Variants in NBPF15 observed in about 807,000 individuals in gnomAD.
NBPF15 encodes NBPF member 15.
Under a neutral mutation model 62.2 loss-of-function variants are expected in NBPF15, and 74 were observed. That is an observed-to-expected ratio of 1.19 (90% CI 0.99 to 1.44). NBPF15 has a LOEUF of 1.44. NBPF15 is among the 40% of genes most tolerant of loss of function. The probability of loss-of-function intolerance (pLI) is 0.00; values close to 1 mark genes in which losing one functional copy is unlikely to be tolerated. For missense variants in NBPF15, 790 were observed against 550.0 expected (o/e 1.44, Z -4.36); for synonymous variants, 244 against 209.7 (o/e 1.16, Z -1.41).
At chr1:144,461,345 T>C (rs1553548477) in intron 1 of NBPF15, 36 bp downstream of exon 1, 1 of 138,734 alleles carries the variant, frequency 7.2e-6, no homozygotes, top group Admixed American at 7.7e-5. Context: ...CAGCCGCAGC[T>C]CGACCCAGCT....
chr1:144,440,984 G>C (rs1453956574), intron 6 of NBPF15, among the ~76,000 whole-genome samples: 1 of 151,532 alleles, frequency 6.6e-6, no homozygotes, highest in Non-Finnish European at 1.5e-5. Flanking sequence ...TCTTTACTCA[G>C]GTGGGTATAT....
chr1:144,423,250 G>A lies in NBPF15; in HGVS notation c.1776C>T (p.Tyr592=), dbSNP rs781927081. Residue 592 remains tyrosine (Y), a synonymous_variant, in exon 22 of 22, where the codon TAC becomes TAT. Transcript: ENST00000581897. ...GCTCTTCCACTTCCATCAGCACGCCGTAGAGCCTGGAAAAGGAGACAAAAC... is the reference window on the plus strand; with the variant it reads ...GCTCTTCCACTTCCATCAGCACGCCATAGAGCCTGGAAAAGGAGACAAAAC... ...EDDNPPCPRL[Y]GVLMEVEEPE... 182 of 1,611,306 alleles carry A rather than the reference G, an allele frequency of 1.1e-4. 1 individual carries two copies. Among genetic ancestry groups the A allele is most frequent in the Admixed American group, 8.5e-4 (51 of 59,920 alleles).
At chr1:144,429,197 A>T (rs1672349292) in intron 14 of NBPF15, among the ~76,000 whole-genome samples, 1 of 151,266 alleles carries the variant, frequency 6.6e-6, no homozygotes, top group South Asian at 2.1e-4. Context: ...GAGCTAAAAC[A>T]AGCGCACTTA....
At position 144,435,241 on chromosome 1, in the gene NBPF15, G is replaced by A. The variant is rs1457507955; in HGVS notation, c.642C>T (p.Ser214=). The A allele has an allele frequency of 9.7e-4, 1,563 of 1,612,820 alleles. 18 individuals are homozygous for A. The highest frequency in any genetic ancestry group is 1.2e-3 in the Non-Finnish European group (1,439 of 1,179,624). The change falls in exon 12 of 22, where the codon AGC becomes AGT. Residue 214 remains serine, a synonymous_variant. Transcript: ENST00000581897. ...GCTGGTTGGAGTCATAAGGGCCATG[G>A]CTATTTGAACAAGTGATGGCACATT... ...LEECAITCSN[S]HGPYDSNQPH...
intron 7 of NBPF15, 48 bp downstream of exon 7, chr1:144,440,093 G>A: frequency 6.3e-7 from 1 of 1,577,256 alleles, no homozygotes; most frequent in Middle Eastern, 2.3e-4. Flanking sequence ...AAATCAAATA[G>A]GTTTAATCAG....
chr1:144,440,294 G>C lies in NBPF15; in HGVS notation c.-189C>G. ...ATTGTGGCCAGCGTGCCAGGTAACC[G>C]TCTGCAGTTGCAATAACAGAATTAG... On this transcript the variant is annotated splice_region_variant and 5_prime_UTR_variant, in exon 7 of 22. Transcript: ENST00000581897. 3 of 1,418,710 alleles carry C rather than the reference G, an allele frequency of 2.1e-6. No individual in the cohort carries two copies. The highest frequency in any genetic ancestry group is 2.8e-6 in the Non-Finnish European group (3 of 1,061,910). 87.9% of individuals were successfully genotyped at this position (1,418,710 alleles called of 1,614,324 possible).
chr1:144,445,270 G>GTGTATA (rs1553543714), intron 6 of NBPF15, among the ~76,000 whole-genome samples: 2 of 105,014 alleles, frequency 1.9e-5, no homozygotes, highest in African/African-American at 3.6e-5. Context: ...GTCTGTATAT[G>GTGTATA]TATATATATA....
intron 6 of NBPF15, chr1:144,443,135 G>A (rs2102369963): frequency 6.5e-6 from 1 of 153,800 alleles, no homozygotes; most frequent in East Asian, 1.9e-4. Flanking sequence ...CACATGGGCT[G>A]GGGGCCAGGG....
chr1:144,452,149 T>A lies in NBPF15; in HGVS notation c.-431-1279A>T, dbSNP rs1553545687. On this transcript the variant is annotated intron_variant, in intron 4 of 21. Transcript: ENST00000581897. The stretch of plus-strand genomic sequence containing the variant: ...CCCAAGGAAAAGAGAAATAACTCCA[T>A]CTCCAAAAAAAAAGATAAAATAAAA... 3.3e-5 allele frequency among the ~76,000 whole-genome samples: 5 copies of A among 150,860 alleles called. No homozygotes were observed. In the East Asian group the frequency reaches 7.8e-4, roughly 24 times the overall value.
At chr1:144,449,507 C>A (rs1296397760) in intron 5 of NBPF15, among the ~76,000 whole-genome samples, 5 of 151,368 alleles carry the variant, frequency 3.3e-5, no homozygotes, top group Non-Finnish European at 4.4e-5. Context: ...GCTAAAGGAA[C>A]AAACTTTTGA....
chr1:144,449,286 C>T (rs1410788055), intron 5 of NBPF15, among the ~76,000 whole-genome samples: 2 of 151,918 alleles, frequency 1.3e-5, no homozygotes, highest in South Asian at 4.2e-4. Context: ...AAATGTCTGG[C>T]ATATTCTTAC....
Position 144,456,267 on chromosome 1 carries a change from A to C in NBPF15, c.-432+270T>G, listed in dbSNP as rs1444111019. ...AGGGGAAGAGCAAGGAGTGGGATGC[A>C]GATCTAGCTACTAAGGAAAAGTCCT... On this transcript the variant is annotated intron_variant, in intron 4 of 21. Coordinates refer to ENST00000581897, the MANE Select transcript of NBPF15 (RefSeq NM_001385408.1). 2.6e-5 allele frequency among the ~76,000 whole-genome samples: 4 copies of C among 151,882 alleles called. 1 individual carries two copies. The highest frequency in any genetic ancestry group is 9.7e-5 in the African/African-American group (4 of 41,328).
intron 13 of NBPF15, among the ~76,000 whole-genome samples, chr1:144,431,045 G>T (rs1285520251): frequency 1.3e-5 from 2 of 151,772 alleles, no homozygotes; most frequent in African/African-American, 4.8e-5. Context: ...AAAAAGAAAT[G>T]AACAAGCCTC....
chr1:144,437,406 C>A (rs1571131625), intron 9 of NBPF15, among the ~76,000 whole-genome samples: 2 of 146,590 alleles, frequency 1.4e-5, no homozygotes, highest in Non-Finnish European at 3.0e-5. Flanking sequence ...TTCAGTTCCT[C>A]ACTCTGGCCA....
chr1:144,458,686 G>A (rs587704309), intron 3 of NBPF15, among the ~76,000 whole-genome samples: 2,284 of 151,630 alleles, frequency 0.015, 12 homozygotes, highest in African/African-American at 0.05. Context: ...CAGTGCAGAA[G>A]GAAAAGGATA....
chr1:144,426,811 C>T (rs1315985174), intron 17 of NBPF15, among the ~76,000 whole-genome samples: 3 of 150,984 alleles, frequency 2.0e-5, no homozygotes, highest in East Asian at 3.9e-4. Flanking sequence ...CTCAAGATTC[C>T]ATGCAGTTGC....
At chr1:144,459,056 G>A (rs1390499663) in intron 3 of NBPF15, among the ~76,000 whole-genome samples, 4 of 150,284 alleles carry the variant, frequency 2.7e-5, no homozygotes, top group Admixed American at 1.3e-4. Flanking sequence ...AAAAAGAAAT[G>A]CAAAAACTAA....
intron 19 of NBPF15, among the ~76,000 whole-genome samples, chr1:144,425,080 AC>A (rs1668695390): frequency 9.6e-5 from 14 of 145,584 alleles, no homozygotes; most frequent in African/African-American, 3.7e-4. Flanking sequence ...ACACACACAC[AC>A]ACACACACAC....
chr1:144,455,979 T>C (rs587735187), intron 4 of NBPF15, among the ~76,000 whole-genome samples: 1 of 152,088 alleles, frequency 6.6e-6, no homozygotes, highest in East Asian at 1.9e-4. Context: ...GAATGGGAGA[T>C]GGGAACGGCC....
Sources: gnomAD v4.1 joint callset for allele counts (sites outside exome capture counted in the v4.1 genomes callset) on GRCh38, gnomAD v4.1.1 for gene constraint, MANE v1.5 for transcripts, NCBI Gene and HGNC (gene_info 2026-07-23, HGNC 2026-07-21) for gene names.